ZIM2: variants seen among roughly 807,000 people sequenced by gnomAD.
The protein encoded by ZIM2 is zinc finger imprinted 2.
A neutral mutation model predicts 38.6 loss-of-function variants in ZIM2; 14 were observed. The ratio of observed to expected loss-of-function variants is 0.36; its 90% CI spans 0.24 to 0.57. The LOEUF (loss-of-function observed/expected upper bound fraction) is 0.57, where lower values mean the gene tolerates loss of function less well. Among genes scored for constraint, ZIM2 ranks in the 20% least tolerant of loss-of-function variants. The pLI, the probability that ZIM2 is intolerant of heterozygous loss-of-function variation, is 0.81. For synonymous variants in ZIM2, 247 were observed against 245.8 expected (o/e 1.00, Z -0.04); for missense variants, 680 against 695.1 (o/e 0.98, Z 0.24).
chr19:56,831,941 G>T (rs1334899484), intron 2 of ZIM2, among the ~76,000 whole-genome samples: 1 of 152,190 alleles, frequency 6.6e-6, no homozygotes, highest in Admixed American at 6.5e-5. Context: ...GCTATAGATG[G>T]AGACCTTGAG....
chr19:56,833,115 G>C, intron 2 of ZIM2: 1 of 513,260 alleles, frequency 1.9e-6, no homozygotes, highest in Non-Finnish European at 3.9e-6. Context: ...ACTAGAAAGC[G>C]TCTGGGACCA....
intron 4 of ZIM2, 48 bp downstream of exon 4, chr19:56,824,214 G>A (rs529317108): frequency 6.3e-7 from 1 of 1,585,112 alleles, no homozygotes; most frequent in Admixed American, 1.7e-5. Flanking sequence ...AGCCCCAGGG[G>A]ACACCTGAGG....
chr19:56,808,861 T>C (rs1600826500), intron 9 of ZIM2, among the ~76,000 whole-genome samples: 1 of 152,168 alleles, frequency 6.6e-6, no homozygotes, highest in East Asian at 1.9e-4. Context: ...TATTTCCTTC[T>C]AGGCCTGTTT....
At chr19:56,816,661 C>T (rs754473044) in intron 9 of ZIM2, 105 of 1,613,646 alleles carry the variant, frequency 6.5e-5, no homozygotes, top group Non-Finnish European at 8.1e-5. Flanking sequence ...TTCATGTTCA[C>T]GCTCATTATC....
chr19:56,827,063 A>G (rs140492964), intron 2 of ZIM2, among the ~76,000 whole-genome samples: 16 of 152,328 alleles, frequency 1.1e-4, no homozygotes, highest in East Asian at 3.9e-4. Flanking sequence ...CCACTAGGGA[A>G]GAAATCTAAA....
intron 9 of ZIM2, among the ~76,000 whole-genome samples, chr19:56,795,352 C>T (rs1568579243): frequency 6.6e-6 from 1 of 152,232 alleles, no homozygotes; most frequent in Admixed American, 6.5e-5. Context: ...CGCGCTGCCC[C>T]GCGCTGGATG....
At chr19:56,788,496 G>C (rs1010582371) in intron 10 of ZIM2, among the ~76,000 whole-genome samples, 2 of 152,084 alleles carry the variant, frequency 1.3e-5, no homozygotes, top group African/African-American at 2.4e-5. Context: ...TGGCTTGTAG[G>C]GTTTCTGCAG....
At chr19:56,781,474 G>A (rs1369453512) in intron 11 of ZIM2, among the ~76,000 whole-genome samples, 2 of 152,102 alleles carry the variant, frequency 1.3e-5, no homozygotes, top group Non-Finnish European at 2.9e-5. Flanking sequence ...CAATTCCTTC[G>A]CTCATTCAGT....
chr19:56,838,537 A>G (rs1163249121), intron 1 of ZIM2, among the ~76,000 whole-genome samples: 1 of 152,122 alleles, frequency 6.6e-6, no homozygotes, highest in African/African-American at 2.4e-5. Context: ...CATACACAAG[A>G]TGGAACCACA....
Position 56,774,883 on chromosome 19 carries a change from C to G in ZIM2, c.1482G>C (p.Glu494Asp), listed in dbSNP as rs2045923491. The G allele has an allele frequency of 6.2e-7, 1 of 1,614,200 alleles. No homozygotes were observed. The highest frequency in any genetic ancestry group is 8.5e-7 in the Non-Finnish European group (1 of 1,180,038). ...RYQRKHDYVG[E>D]RACQCCDCGR... ...CACAGTCACAACACTGGCAGGCTCT[C>G]TCTCCAACGTAGTCATGTTTCCGCT... Residue 494 changes from glutamate (E) to aspartate (D), a missense_variant, in exon 13 of 13, where the codon GAG becomes GAC. Glu to Asp is a conservative substitution (Grantham distance 45). Coordinates refer to ENST00000629319, the MANE Select transcript of ZIM2 (RefSeq NM_001387356.1).
At chr19:56,816,879 A>G (rs1220978767) in intron 9 of ZIM2, 1 of 1,614,190 alleles carries the variant, frequency 6.2e-7, no homozygotes. Context: ...TCCGATGTTC[A>G]GCCAAGGCGG....
rs553135688 is a variant in ZIM2, at chr19:56,775,714, A to G, written c.836-185T>C. 2.0e-5 allele frequency among the ~76,000 whole-genome samples: 3 copies of G among 152,294 alleles called. 1 individual carries two copies. In the South Asian group the frequency reaches 6.2e-4, roughly 32 times the overall value. On this transcript the variant is annotated intron_variant, in intron 12 of 12. Transcript: ENST00000629319. The stretch of plus-strand genomic sequence containing the variant: ...TTTACTCAGAGAGACATACCAATAT[A>G]ATAGAAATAAAGAGACCAAGGATAA...
At chr19:56,779,551 A>G in intron 11 of ZIM2, 79 bp from the exon 12 acceptor site, 2 of 1,397,864 alleles carry the variant, frequency 1.4e-6, no homozygotes, top group Non-Finnish European at 2.0e-6. Flanking sequence ...AATAATAAGG[A>G]AGGAACAAAC....
intron 9 of ZIM2, chr19:56,815,843 C>T (rs776559389): frequency 6.2e-7 from 1 of 1,613,626 alleles, no homozygotes; most frequent in African/African-American, 1.3e-5. Context: ...TCATTAAGGT[C>T]TGAGATATAA....
chr19:56,814,160 C>T lies in ZIM2; in HGVS notation c.490+3586G>A, dbSNP rs777594859. ...GCCTCTCCAATGGGCTCTGCAGCCT[C>T]TCCATCTGGCCCTTCAGCCTCTCCG... On this transcript the variant is annotated intron_variant, in intron 9 of 12. Coordinates refer to ENST00000629319, the MANE Select transcript of ZIM2 (RefSeq NM_001387356.1). The surrounding 1 kb of genome is among the most constrained non-coding windows in gnomAD (Gnocchi z 5.8). 9.8e-5 allele frequency: 158 copies of T among 1,614,086 alleles called. No individual in the cohort carries two copies. Among genetic ancestry groups the T allele is most frequent in the Non-Finnish European group, 1.3e-4 (152 of 1,180,052 alleles).
At chr19:56,825,158 G>A (rs1482467120) in intron 3 of ZIM2, among the ~76,000 whole-genome samples, 2 of 152,330 alleles carry the variant, frequency 1.3e-5, no homozygotes, top group African/African-American at 4.8e-5. Context: ...AAAATCAGAC[G>A]TCAGCACGTT....
At chr19:56,787,906 T>A (rs1184934077) in intron 10 of ZIM2, among the ~76,000 whole-genome samples, 1 of 152,022 alleles carries the variant, frequency 6.6e-6, no homozygotes, top group Admixed American at 6.5e-5. Flanking sequence ...CTCATGGTAG[T>A]TTGTATTTCT....
At chr19:56,793,507 ACAACTAGC>A (rs1380630052) in intron 9 of ZIM2, among the ~76,000 whole-genome samples, 1 of 152,218 alleles carries the variant, frequency 6.6e-6, no homozygotes, top group Non-Finnish European at 1.5e-5. Flanking sequence ...ATACAGACTT[ACAACTAGC>A]CTGCATAGTT....
At chr19:56,787,769 T>C (rs1207459869) in intron 10 of ZIM2, among the ~76,000 whole-genome samples, 1 of 150,336 alleles carries the variant, frequency 6.7e-6, no homozygotes, top group Non-Finnish European at 1.5e-5. Flanking sequence ...TTTCAGAACT[T>C]GTTATTGGTC....
Sources: gnomAD v4.1 joint callset for allele counts (sites outside exome capture counted in the v4.1 genomes callset) on GRCh38, gnomAD v4.1.1 for gene constraint, Gnocchi (gnomAD v3.1) non-coding constraint, MANE v1.5 for transcripts, NCBI Gene and HGNC (gene_info 2026-07-23, HGNC 2026-07-21) for gene names.